The following PI16 variants were observed in gnomAD, a reference collection of about 807,000 sequenced individuals.
PI16 encodes PSP94-binding protein.
Under a neutral mutation model 38.0 loss-of-function variants are expected in PI16, and 35 were observed. The ratio of observed to expected loss-of-function variants is 0.92; its 90% CI spans 0.70 to 1.22. PI16 has a LOEUF of 1.22. PI16 is among the 50% of genes most tolerant of loss of function. The pLI, the probability that PI16 is intolerant of heterozygous loss-of-function variation, is 0.00. For missense variants in PI16, 572 were observed against 593.8 expected (o/e 0.96, Z 0.38); for synonymous variants, 275 against 252.9 (o/e 1.09, Z -0.83).
At chr6:36,951,607 C>T (rs992280657), upstream of PI16, among the ~76,000 whole-genome samples, 1 of 151,964 alleles carries the variant, frequency 6.6e-6, no homozygotes, top group African/African-American at 2.4e-5. Flanking sequence ...AAAAATATAT[C>T]CTAGATATTG....
At position 36,961,869 on chromosome 6, in the gene PI16, C is replaced by G; in HGVS notation, c.504-17C>G. ...GGGTCGACCCCCTCCCCGCAGCATCCTCCTGACCTCCTGTAGGGGGAACGT... is the reference window on the plus strand; with the variant it reads ...GGGTCGACCCCCTCCCCGCAGCATCGTCCTGACCTCCTGTAGGGGGAACGT... On this transcript the variant is annotated splice_polypyrimidine_tract_variant and intron_variant, in intron 3 of 6. Transcript: ENST00000373674. 6.2e-7 allele frequency: 1 copy of G among 1,607,920 alleles called. No homozygotes were observed.
Position 36,963,532 on chromosome 6 carries a change from C to T in PI16, c.1190C>T (p.Ser397Phe). ...LDHTGHTSSK[S>F]LPNFPNTSAT... Reference sequence around the variant, plus strand: ...CACACGGGGCACACCTCCTCCAAGTCCCTGCCCAATTTCCCCAATACCTCT... The same window carrying T: ...CACACGGGGCACACCTCCTCCAAGTTCCTGCCCAATTTCCCCAATACCTCT... The change falls in exon 5 of 7, where the codon TCC becomes TTC. Residue 397 changes from serine (S) to phenylalanine (F), a missense_variant. Physicochemically the swap from Ser to Phe is radical, Grantham distance 155. Transcript: ENST00000373674. 2 of 1,614,198 alleles carry T rather than the reference C, an allele frequency of 1.2e-6. No homozygotes were observed. The highest frequency in any genetic ancestry group is 1.7e-6 in the Non-Finnish European group (2 of 1,180,042).
chr6:36,952,507 C>A (rs1484810375), upstream of PI16, among the ~76,000 whole-genome samples: 1 of 152,162 alleles, frequency 6.6e-6, no homozygotes, highest in African/African-American at 2.4e-5. Context: ...GATTCAACTT[C>A]ATTATTTCGC....
chr6:36,955,749 G>A (rs1763187287), intron 1 of PI16, among the ~76,000 whole-genome samples: 1 of 152,204 alleles, frequency 6.6e-6, no homozygotes, highest in African/African-American at 2.4e-5. Context: ...AACATTACAT[G>A]TACATGCACA....
At chr6:36,961,793 G>A (rs1481699150) in intron 3 of PI16, 93 bp from the exon 4 acceptor site, 16 of 1,152,514 alleles carry the variant, frequency 1.4e-5, no homozygotes, top group Non-Finnish European at 2.1e-5. Flanking sequence ...GGAGACCCAA[G>A]GGCATTTCCA....
At chr6:36,961,832 G>A (rs1763373262) in intron 3 of PI16, 54 bp from the exon 4 acceptor site, 7 of 1,406,354 alleles carry the variant, frequency 5.0e-6, no homozygotes, top group Non-Finnish European at 5.0e-6. Context: ...GAGTTGGGGA[G>A]AGGGTTGGGA....
chr6:36,950,623 A>T (rs1049215361), upstream of PI16, among the ~76,000 whole-genome samples: 11 of 151,596 alleles, frequency 7.3e-5, no homozygotes, highest in East Asian at 5.8e-4. This position sits in a 1 kb window ranked among gnomAD's most constrained non-coding sequence, Gnocchi z 4.2. Flanking sequence ...GGCTCACCGC[A>T]ACCTCCACTT....
chr6:36,959,972 TTGTCCTAGGCCATAC>T (rs1430068896), intron 2 of PI16, among the ~76,000 whole-genome samples: 1 of 152,100 alleles, frequency 6.6e-6, no homozygotes. Flanking sequence ...ACCATGGTTA[TTGTCCTAGGCCATAC>T]TGTACTGGGC....
chr6:36,962,084 C>T lies in PI16; in HGVS notation c.592+110C>T, dbSNP rs1465370188. On this transcript the variant is annotated intron_variant, in intron 4 of 6. Coordinates refer to ENST00000373674, the MANE Select transcript of PI16 (RefSeq NM_153370.3). The surrounding 1 kb of genome is among the most constrained non-coding windows in gnomAD (Gnocchi z 4.1). ...GAGCGGGACGTGGGCAGGGAAGGAGCCTGGTGGGATGCGACCACCGGGGGC... is the reference window on the plus strand; with the variant it reads ...GAGCGGGACGTGGGCAGGGAAGGAGTCTGGTGGGATGCGACCACCGGGGGC... The T allele has an allele frequency of 3.3e-6, 3 of 903,564 alleles. No individual in the cohort carries two copies. The highest frequency in any genetic ancestry group is 5.2e-6 in the Non-Finnish European group (3 of 571,700). 56.0% of individuals were successfully genotyped at this position (903,564 alleles called of 1,614,324 possible).
chr6:36,951,488 G>A (rs970272498), upstream of PI16, among the ~76,000 whole-genome samples: 1 of 152,174 alleles, frequency 6.6e-6, no homozygotes, highest in African/African-American at 2.4e-5. Context: ...GGTCTCAAGC[G>A]ATCGGCCCGC....
At chr6:36,957,225 C>T (rs1347195472) in intron 1 of PI16, among the ~76,000 whole-genome samples, 1 of 152,204 alleles carries the variant, frequency 6.6e-6, no homozygotes, top group Non-Finnish European at 1.5e-5. Flanking sequence ...TCCTCTCCCG[C>T]TTGCCCTTTA....
rs1424949809 is a variant in PI16 at position 36,962,999 on chromosome 6, C to T, written c.657C>T (p.Phe219=). The T allele has an allele frequency of 1.9e-6, 3 of 1,614,108 alleles. No individual in the cohort carries two copies. Among genetic ancestry groups the T allele is most frequent in the Non-Finnish European group, 2.5e-6 (3 of 1,180,044 alleles). Reference sequence around the variant, plus strand: ...ACCTGGTAACTGAGGCCCCATCCTTCCGGGCGACTGAAGCATCAGACTCTA... The same window carrying T: ...ACCTGGTAACTGAGGCCCCATCCTTTCGGGCGACTGAAGCATCAGACTCTA... ...LPYLVTEAPS[F]RATEASDSRK... is the part of the protein sequence containing the mutation. Residue 219 remains phenylalanine, a synonymous_variant, in exon 5 of 7, where the codon TTC becomes TTT. Transcript: ENST00000373674. This position sits in a 1 kb window ranked among gnomAD's most constrained non-coding sequence, Gnocchi z 4.1.
upstream of PI16, among the ~76,000 whole-genome samples, chr6:36,951,732 C>T: frequency 6.6e-6 from 1 of 152,004 alleles, no homozygotes; most frequent in East Asian, 1.9e-4. Flanking sequence ...AATCTTGTCT[C>T]TACTAAAAAT....
At chr6:36,953,174 G>A (rs192664601), upstream of PI16, among the ~76,000 whole-genome samples, 3 of 151,814 alleles carry the variant, frequency 2.0e-5, no homozygotes, top group Non-Finnish European at 2.9e-5. Flanking sequence ...AAAATTTGCC[G>A]GGCATGGTAG....
intron 1 of PI16, 115 bp downstream of exon 1, chr6:36,955,046 T>TTTTC: frequency 2.1e-6 from 3 of 1,430,038 alleles, no homozygotes; most frequent in Non-Finnish European, 2.7e-6. Flanking sequence ...TTCCTCTCCT[T>TTTTC]TTTCTGGTCA....
At chr6:36,961,662 G>A in intron 3 of PI16, 102 bp downstream of exon 3, 3 of 1,096,636 alleles carry the variant, frequency 2.7e-6, no homozygotes, top group Non-Finnish European at 4.2e-6. Flanking sequence ...GGAGGAGAGG[G>A]GTCAGTCTGG....
chr6:36,955,047 T>C (rs758967325), intron 1 of PI16, 116 bp downstream of exon 1: 1 of 1,430,378 alleles, frequency 7.0e-7, no homozygotes, highest in East Asian at 2.6e-5. Context: ...TCCTCTCCTT[T>C]TTCTGGTCAG....
At chr6:36,952,089 G>T (rs1364007697), upstream of PI16, among the ~76,000 whole-genome samples, 3 of 151,164 alleles carry the variant, frequency 2.0e-5, no homozygotes, top group Non-Finnish European at 4.4e-5. Flanking sequence ...TGCCTCCCAG[G>T]TTCAAGCAAT....
rs1179084432 is a variant in PI16 at position 36,954,815 on chromosome 6, G to A, written c.55G>A (p.Val19Met). 1 of 1,614,096 alleles carries A rather than the reference G, an allele frequency of 6.2e-7. No individual in the cohort carries two copies. Among genetic ancestry groups the A allele is most frequent in the East Asian group, 2.2e-5 (1 of 44,882 alleles). ...MLLLPLLLLL[V>M]ATTGPVGALT... is the part of the protein sequence containing the mutation. ...TCTGCTGCCGCTACTGCTACTGCTG[G>A]TGGCCACCACAGGCCCCGTTGGAGC... is the stretch of plus-strand genomic sequence containing the variant. The change falls in exon 1 of 7, where the codon GTG becomes ATG. Residue 19 changes from valine (V) to methionine (M), a missense_variant. Transcript: ENST00000373674.
Sources: allele counts gnomAD v4.1 joint callset (sites outside exome capture counted in the v4.1 genomes callset), GRCh38; gene constraint gnomAD v4.1.1; non-coding constraint Gnocchi (gnomAD v3.1); transcripts MANE v1.5; gene names NCBI Gene and HGNC (gene_info 2026-07-23, HGNC 2026-07-21).